Variants in CELF2 observed in about 807,000 individuals in gnomAD.
The protein encoded by CELF2 is CUG triplet repeat RNA-binding protein 2.
CELF2 carries 8 observed loss-of-function variants against 62.6 expected under a neutral mutation model. That is an observed-to-expected ratio of 0.13 (90% CI 0.07 to 0.23). CELF2 has a LOEUF of 0.23. CELF2 is among the 10% of genes least tolerant of loss of function. The pLI is 1.00. For missense variants in CELF2, 333 were observed against 671.0 expected, an observed-to-expected ratio of 0.50 and a Z score of 5.56; for synonymous variants, 258 against 250.0, an observed-to-expected ratio of 1.03 and a Z score of -0.30.
At chr10:10,701,642 T>G in the CELF2 span, among the ~76,000 whole-genome samples, 3 of 152,204 alleles carry the variant, frequency 2.0e-5, no homozygotes, top group African/African-American at 7.2e-5. Flanking sequence ...TGTTGTTGTT[T>G]TTCAAATGCC....
At chr10:10,616,693 T>TGC in the CELF2 span, among the ~76,000 whole-genome samples, 48 of 69,936 alleles carry the variant, frequency 6.9e-4, no homozygotes, top group African/African-American at 1.8e-3. Context: ...TGTGTGTGCG[T>TGC]GTGTGTGTGT....
upstream of CELF2, among the ~76,000 whole-genome samples, chr10:11,002,526 T>C (rs1011962985): frequency 2.0e-5 from 3 of 152,118 alleles, no homozygotes; most frequent in African/African-American, 7.2e-5. This position sits in a 1 kb window ranked among gnomAD's most constrained non-coding sequence, Gnocchi z 4.4. Flanking sequence ...TGTGGTGTCG[T>C]AGAAAGGGGC....
At chr10:10,955,851 C>T (rs2048829165) in intron 2 of CELF2, among the ~76,000 whole-genome samples, 1 of 152,148 alleles carries the variant, frequency 6.6e-6, no homozygotes, top group Admixed American at 6.5e-5. Flanking sequence ...CACAGGGGTC[C>T]CTTCAAGTTA....
the CELF2 span, among the ~76,000 whole-genome samples, chr10:10,502,287 G>A: frequency 1.3e-5 from 2 of 151,918 alleles, no homozygotes; most frequent in Non-Finnish European, 2.9e-5. Context: ...GTATTGGAGG[G>A]TGTTTTCTCC....
At chr10:10,577,392 T>TTATTATTATTATTATTAC in the CELF2 span, among the ~76,000 whole-genome samples, 5 of 150,578 alleles carry the variant, frequency 3.3e-5, no homozygotes, top group East Asian at 9.7e-4. Flanking sequence ...ATTATTATTA[T>TTATTATTATTATTATTAC]TATACTTTAA....
chr10:11,127,493 A>G (rs1006666119), intron 1 of CELF2, among the ~76,000 whole-genome samples: 1 of 152,216 alleles, frequency 6.6e-6, no homozygotes, highest in African/African-American at 2.4e-5. Context: ...TGGTTGAACT[A>G]ATTTACACTC....
chr10:10,753,335 A>G, the CELF2 span, among the ~76,000 whole-genome samples: 1 of 136,194 alleles, frequency 7.3e-6, no homozygotes, highest in Non-Finnish European at 1.6e-5. Flanking sequence ...GTGTGTTAAG[A>G]TCAAGAGTGC....
chr10:10,967,154 C>A (rs1383187027), intron 2 of CELF2, among the ~76,000 whole-genome samples: 3 of 152,160 alleles, frequency 2.0e-5, no homozygotes, highest in African/African-American at 7.2e-5. Context: ...AGGAAAATGA[C>A]CTACAGAACG....
intron 9 of CELF2, among the ~76,000 whole-genome samples, chr10:11,294,464 C>T (rs1288251706): frequency 6.6e-6 from 1 of 152,224 alleles, no homozygotes; most frequent in Admixed American, 6.5e-5. Context: ...TTACCGTCCT[C>T]TTTTTCTTCT....
chr10:10,913,858 A>AAG lies in CELF2; in HGVS notation c.54-6106_54-6105insAG, dbSNP rs1554880057. 2.8e-3 allele frequency among the ~76,000 whole-genome samples: 288 copies of AAG among 101,144 alleles called. 1 individual carries two copies. The highest frequency in any genetic ancestry group is 5.4e-3 in the African/African-American group (137 of 25,472). The allele number at this position is 101,144 out of a possible 152,430, so 66.4% of individuals were successfully genotyped here. On this transcript the variant is annotated intron_variant, in intron 1 of 13. Transcript: ENST00000636488. ...AGGAAGGAAGGAAGGAGGGAAGGAG[A>AAG]GAAGGAAGGAAGGAAGGAAGGAAGG...
intron 1 of CELF2, among the ~76,000 whole-genome samples, chr10:10,868,739 A>G (rs1242078128): frequency 6.6e-6 from 1 of 152,254 alleles, no homozygotes; most frequent in Non-Finnish European, 1.5e-5. Context: ...TATGTTGTTA[A>G]AAGAAAAAGG....
chr10:11,200,453 T>C (rs1434104299), intron 2 of CELF2, among the ~76,000 whole-genome samples: 1 of 152,236 alleles, frequency 6.6e-6, no homozygotes, highest in East Asian at 1.9e-4. Context: ...CACATCCCTT[T>C]GATATTTCTT....
At chr10:10,480,994 C>T in the CELF2 span, among the ~76,000 whole-genome samples, 3 of 152,014 alleles carry the variant, frequency 2.0e-5, no homozygotes, top group South Asian at 4.2e-4. Flanking sequence ...ACCTGGGAGG[C>T]GGAGGTTGCA....
At chr10:11,091,170 C>T (rs902227792) in intron 1 of CELF2, among the ~76,000 whole-genome samples, 7 of 152,164 alleles carry the variant, frequency 4.6e-5, no homozygotes, top group African/African-American at 1.7e-4. Context: ...AGCTTCCTAA[C>T]ATAACATGTT....
At chr10:11,124,581 G>A (rs1184536542) in intron 1 of CELF2, among the ~76,000 whole-genome samples, 1 of 152,166 alleles carries the variant, frequency 6.6e-6, no homozygotes, top group Non-Finnish European at 1.5e-5. Flanking sequence ...GAGATCATTT[G>A]TGTCAGGTGA....
At chr10:11,001,072 G>A (rs747780112), upstream of CELF2, among the ~76,000 whole-genome samples, 7 of 152,102 alleles carry the variant, frequency 4.6e-5, no homozygotes, top group Non-Finnish European at 7.4e-5. Flanking sequence ...CAACTTCACC[G>A]AGCTCCTACT....
rs1169138731 is a variant in CELF2 at position 11,311,143 on chromosome 10, C to T, written c.977-2996C>T. On this transcript the variant is annotated intron_variant, in intron 9 of 12. Coordinates refer to ENST00000633077, the MANE Select transcript of CELF2 (RefSeq NM_001326342.2). This position sits in a 1 kb window ranked among gnomAD's most constrained non-coding sequence, Gnocchi z 4.7. Reference sequence around the variant, plus strand: ...GTGTAAAGATGAACAAAAAATACTCCCCACTAGAAAACTACAAGGAAAACT... The same window carrying T: ...GTGTAAAGATGAACAAAAAATACTCTCCACTAGAAAACTACAAGGAAAACT... 6.6e-6 allele frequency among the ~76,000 whole-genome samples: 1 copy of T among 152,104 alleles called. No homozygotes were observed. The highest frequency in any genetic ancestry group is 2.4e-5 in the African/African-American group (1 of 41,404).
chr10:10,773,704 T>G, the CELF2 span, among the ~76,000 whole-genome samples: 1 of 152,178 alleles, frequency 6.6e-6, no homozygotes, highest in Non-Finnish European at 1.5e-5. Context: ...CTGGAAACTC[T>G]GGGGGTATTT....
chr10:11,097,662 T>G (rs746560376), intron 1 of CELF2, among the ~76,000 whole-genome samples: 2 of 152,194 alleles, frequency 1.3e-5, no homozygotes, highest in Non-Finnish European at 2.9e-5. Context: ...GTCTCTATTC[T>G]TTGTCACCAA....
Sources: gnomAD v4.1 joint callset for allele counts (sites outside exome capture counted in the v4.1 genomes callset) on GRCh38, gnomAD v4.1.1 for gene constraint, Gnocchi (gnomAD v3.1) non-coding constraint, MANE v1.5 for transcripts, NCBI Gene and HGNC (gene_info 2026-07-23, HGNC 2026-07-21) for gene names.